Variants in HMCN1 observed in about 807,000 individuals in gnomAD.
HMCN1 encodes the protein hemicentin-1.
Under a neutral mutation model 625.9 loss-of-function variants are expected in HMCN1, and 321 were observed. That is an observed-to-expected ratio of 0.51 (90% CI 0.47 to 0.56). The LOEUF (loss-of-function observed/expected upper bound fraction) is 0.56. HMCN1 is among the 20% of genes least tolerant of loss of function. The probability of loss-of-function intolerance (pLI) is 0.00; values close to 1 mark genes in which losing one functional copy is unlikely to be tolerated. For missense variants in HMCN1, 6,588 were observed against 6,887.3 expected (o/e 0.96, Z 1.54); for synonymous variants, 2,425 against 2,417.6 (o/e 1.00, Z -0.09).
At chr1:185,807,591 A>G (rs1171367536) in intron 1 of HMCN1, among the ~76,000 whole-genome samples, 2 of 152,202 alleles carry the variant, frequency 1.3e-5, no homozygotes, top group East Asian at 3.9e-4. Flanking sequence ...AGTTCTGGCC[A>G]AAAGGTTTCT....
intron 4 of HMCN1, among the ~76,000 whole-genome samples, chr1:185,872,144 A>T (rs1663657838): frequency 1.3e-5 from 2 of 152,218 alleles, no homozygotes; most frequent in African/African-American, 4.8e-5. Context: ...GGAAAATGGA[A>T]TGGAGATGTT....
At chr1:186,090,951 G>A in intron 64 of HMCN1, 34 bp downstream of exon 64, 2 of 1,594,756 alleles carry the variant, frequency 1.3e-6, no homozygotes, top group Non-Finnish European at 1.7e-6. Flanking sequence ...ATTATAAATT[G>A]TAAGCCCTTC....
chr1:185,735,097 AT>A, intron 1 of HMCN1, 50 bp downstream of exon 1: 9 of 1,556,124 alleles, frequency 5.8e-6, no homozygotes, highest in Non-Finnish European at 7.1e-6. Context: ...TGATTACATT[AT>A]TTCTCATGCT....
At position 185,980,172 on chromosome 1, in the gene HMCN1, AAAAT is replaced by A. The variant is rs1651517246; in HGVS notation, c.2567-803_2567-800del. 2.0e-5 allele frequency among the ~76,000 whole-genome samples: 3 copies of A among 152,352 alleles called. No individual in the cohort carries two copies. In the South Asian group the frequency reaches 6.2e-4, roughly 32 times the overall value. ...AAAATGAGGGAAAGTAATTTATACT[AAAAT>A]AATGCATATTTCAATACGTAAATAC... On this transcript the variant is annotated intron_variant, in intron 16 of 106. Transcript: ENST00000271588.
Position 185,923,384 on chromosome 1 carries a change from T to C in HMCN1, c.1022-6T>C. 10 of 1,602,240 alleles carry C rather than the reference T, an allele frequency of 6.2e-6. No homozygotes were observed. Among genetic ancestry groups the C allele is most frequent in the Non-Finnish European group, 8.5e-6 (10 of 1,171,022 alleles). On this transcript the variant is annotated splice_polypyrimidine_tract_variant and splice_region_variant and intron_variant, in intron 7 of 106. Coordinates refer to ENST00000271588, the MANE Select transcript of HMCN1 (RefSeq NM_031935.3). ...TGTAAATGATAACAAAATCTTTCTCTTGTAGGAATACCTACCTATGTACTG... is the reference window on the plus strand; with the variant it reads ...TGTAAATGATAACAAAATCTTTCTCCTGTAGGAATACCTACCTATGTACTG...
At chr1:185,939,638 G>T (rs1667987746) in intron 11 of HMCN1, among the ~76,000 whole-genome samples, 1 of 151,936 alleles carries the variant, frequency 6.6e-6, no homozygotes, top group African/African-American at 2.4e-5. Flanking sequence ...TTTAAACTTT[G>T]TGTAAATAGG....
chr1:186,155,615 T>G (rs1437846900), intron 97 of HMCN1, among the ~76,000 whole-genome samples: 1 of 152,214 alleles, frequency 6.6e-6, no homozygotes, highest in Non-Finnish European at 1.5e-5. Flanking sequence ...TAAAACTGCT[T>G]AAAGATCTTT....
rs1294166583 is a variant in HMCN1, at chr1:186,087,664, T to A, written c.9363+19T>A. The A allele has an allele frequency of 3.1e-6, 5 of 1,608,798 alleles. No individual in the cohort carries two copies. The African/African-American group carries it at 5.3e-5, about 17-fold the overall frequency. ...AGCTGAGGTGCATCTTTTATTCTTG[T>A]TTGAGTGTCATGACACCTTGGTGGG... On this transcript the variant is annotated intron_variant, in intron 60 of 106. Transcript: ENST00000271588.
intron 4 of HMCN1, among the ~76,000 whole-genome samples, chr1:185,866,795 T>A (rs1393238510): frequency 6.6e-6 from 1 of 152,162 alleles, no homozygotes; most frequent in Non-Finnish European, 1.5e-5. Context: ...TTGACTCTCA[T>A]TTAAGTTTCT....
chr1:185,990,175 A>G (rs886637570), intron 21 of HMCN1, 100 bp from the exon 22 acceptor site: 5 of 1,034,734 alleles, frequency 4.8e-6, no homozygotes, highest in Non-Finnish European at 7.6e-6. Context: ...ATCTTTTTAT[A>G]AATTACTTAA....
intron 71 of HMCN1, among the ~76,000 whole-genome samples, chr1:186,110,754 C>T (rs1014912470): frequency 6.6e-6 from 1 of 151,886 alleles, no homozygotes; most frequent in African/African-American, 2.4e-5. Context: ...AATAGGTTAG[C>T]CTTGTCCAGA....
At position 185,995,073 on chromosome 1, in the gene HMCN1, C is replaced by T. The variant is rs201379680; in HGVS notation, c.3764C>T (p.Thr1255Met). ...GCAGGCACTGATGAAACAGAGATAA[C>T]GCTACATGTCCAAGGTGATTCTTGA... ...NIAGTDETEI[T>M]LHVQEPPTVE... The change falls in exon 24 of 107, where the codon ACG becomes ATG. Residue 1255 changes from threonine to methionine, a missense_variant. By Grantham distance (81) the Thr-to-Met change is moderately conservative. Around this residue, in one of 3 missense-constraint regions of HMCN1, gnomAD observed 4,628 missense variants for 4,853.1 expected, o/e 0.95. Transcript: ENST00000271588. 2.3e-4 allele frequency: 364 copies of T among 1,613,442 alleles called. No homozygotes were observed. Among genetic ancestry groups the T allele is most frequent in the Middle Eastern group, 3.3e-4 (2 of 6,080 alleles).
intron 57 of HMCN1, 89 bp downstream of exon 57, chr1:186,083,050 T>G (rs1026102510): frequency 1.2e-5 from 8 of 657,712 alleles, no homozygotes; most frequent in Non-Finnish European, 1.8e-5. Flanking sequence ...TATTTTGTAT[T>G]TTTTAACTTA....
intron 1 of HMCN1, among the ~76,000 whole-genome samples, chr1:185,799,422 TG>T (rs1457544545): frequency 1.3e-5 from 2 of 151,626 alleles, no homozygotes; most frequent in African/African-American, 4.9e-5. Flanking sequence ...AGCCCCAGAG[TG>T]GGGGTGAAGT....
chr1:185,864,507 T>C lies in HMCN1; in HGVS notation c.377T>C (p.Ile126Thr), dbSNP rs1180957270. The C allele has an allele frequency of 1.2e-6, 2 of 1,614,094 alleles. No individual in the cohort carries two copies. Among genetic ancestry groups the C allele is most frequent in the African/African-American group, 1.3e-5 (1 of 75,050 alleles). ...TGCCCAGAAATGAGTATTGGAGCTA[T>C]AAAAATTGCCTTGGAAATTTCTCTT... ...GDCPEMSIGAIKIALEISLPG... is the reference protein window; with the variant it reads ...GDCPEMSIGATKIALEISLPG... The change falls in exon 3 of 107, where the codon ATA (isoleucine) becomes ACA (threonine). Residue 126 changes from isoleucine to threonine, a missense_variant. Around this residue, in one of 3 missense-constraint regions of HMCN1, gnomAD observed 4,628 missense variants for 4,853.1 expected, o/e 0.95. Coordinates refer to ENST00000271588, the MANE Select transcript of HMCN1 (RefSeq NM_031935.3).
At position 185,928,628 on chromosome 1, in the gene HMCN1, G is replaced by A. The variant is rs773752925; in HGVS notation, c.1513G>A (p.Ala505Thr). ...GFYECIAVSS[A>T]GTGRAQTFFD... ...CTATGAATGCATTGCTGTCAGCAGT[G>A]CAGGTACTGGACGGGCACAGACATT... Residue 505 changes from alanine to threonine, a missense_variant, in exon 10 of 107, where the codon GCA (alanine) becomes ACA (threonine). Ala to Thr is a moderately conservative substitution (Grantham distance 58, BLOSUM62 0). Around this residue, in one of 3 missense-constraint regions of HMCN1, gnomAD observed 4,628 missense variants for 4,853.1 expected, o/e 0.95. Transcript: ENST00000271588. The A allele has an allele frequency of 1.2e-6, 2 of 1,613,590 alleles. No individual in the cohort carries two copies. Among genetic ancestry groups the A allele is most frequent in the African/African-American group, 1.3e-5 (1 of 75,006 alleles).
intron 41 of HMCN1, 72 bp from the exon 42 acceptor site, chr1:186,048,670 TC>T: frequency 1.1e-6 from 1 of 875,952 alleles, no homozygotes. Flanking sequence ...AAGAAATAGA[TC>T]ACAAATAGTA....
chr1:186,166,676 A>G, intron 99 of HMCN1, 132 bp from the exon 100 acceptor site: 4 of 1,317,698 alleles, frequency 3.0e-6, no homozygotes, highest in Non-Finnish European at 4.3e-6. Flanking sequence ...GACTCAACCA[A>G]AAACTTTAGT....
chr1:186,063,408 T>C (rs1225806906), intron 48 of HMCN1, among the ~76,000 whole-genome samples: 1 of 70,106 alleles, frequency 1.4e-5, no homozygotes. Context: ...AAAGAGGGAG[T>C]GGGGAGGGAG....
Sources: gnomAD v4.1 joint callset for allele counts (sites outside exome capture counted in the v4.1 genomes callset) on GRCh38, gnomAD v4.1.1 for gene constraint, gnomAD v4.1.1 regional missense constraint, MANE v1.5 for transcripts, NCBI Gene and HGNC (gene_info 2026-07-23, HGNC 2026-07-21) for gene names.